The following KCNMA1 variants were observed in gnomAD, a reference collection of about 807,000 sequenced individuals.
The protein encoded by KCNMA1 is potassium calcium-activated channel subfamily M alpha 1.
Under a neutral mutation model 140.0 loss-of-function variants are expected in KCNMA1, and 29 were observed. The observed-to-expected ratio is 0.21, with a 90% CI of 0.15 to 0.28. KCNMA1 has a LOEUF of 0.28. KCNMA1 is among the 10% of genes least tolerant of loss of function. The pLI is 1.00. For missense variants in KCNMA1, 880 were observed against 1,602.2 expected, an observed-to-expected ratio of 0.55 and a Z score of 7.70; for synonymous variants, 612 against 611.9, an observed-to-expected ratio of 1.00 and a Z score of 0.00.
intron 1 of KCNMA1, among the ~76,000 whole-genome samples, chr10:77,576,034 A>G (rs1318480015): frequency 6.6e-6 from 1 of 152,146 alleles, no homozygotes; most frequent in East Asian, 1.9e-4. Context: ...GATTGGGGAG[A>G]ATGGCTCCTG....
At chr10:77,559,377 T>C (rs2065601847) in intron 1 of KCNMA1, among the ~76,000 whole-genome samples, 1 of 152,214 alleles carries the variant, frequency 6.6e-6, no homozygotes, top group Non-Finnish European at 1.5e-5. Flanking sequence ...CAGTCGACAC[T>C]TCTCTAGGAC....
chr10:77,115,339 T>C (rs1460335010), intron 6 of KCNMA1, among the ~76,000 whole-genome samples: 1 of 152,226 alleles, frequency 6.6e-6, no homozygotes, highest in African/African-American at 2.4e-5. Context: ...TGCCAATATT[T>C]ATTGAGCCCT....
At chr10:76,943,909 G>A (rs572205536) in intron 23 of KCNMA1, among the ~76,000 whole-genome samples, 14 of 152,158 alleles carry the variant, frequency 9.2e-5, no homozygotes, top group African/African-American at 3.4e-4. Flanking sequence ...AGCTCTCATG[G>A]GCTGTGCTCC....
chr10:77,195,053 A>G (rs1164597511), intron 3 of KCNMA1, among the ~76,000 whole-genome samples: 7 of 151,042 alleles, frequency 4.6e-5, no homozygotes, highest in East Asian at 3.9e-4. Flanking sequence ...TGTTGTTGTT[A>G]TTGTTGTTGT....
intron 1 of KCNMA1, among the ~76,000 whole-genome samples, chr10:77,554,773 C>T (rs1203528775): frequency 3.9e-5 from 6 of 152,146 alleles, no homozygotes; most frequent in Non-Finnish European, 7.3e-5. Flanking sequence ...ACGGTGCCAT[C>T]TCCAAAGACT....
chr10:77,016,122 C>T (rs947337261), intron 17 of KCNMA1, among the ~76,000 whole-genome samples: 5 of 152,162 alleles, frequency 3.3e-5, no homozygotes, highest in Non-Finnish European at 4.4e-5. Flanking sequence ...ATTCCCTAGC[C>T]GCACTTTCCT....
chr10:76,950,975 G>A (rs973121732), intron 21 of KCNMA1, among the ~76,000 whole-genome samples: 1 of 152,198 alleles, frequency 6.6e-6, no homozygotes, highest in East Asian at 1.9e-4. Flanking sequence ...AAGTGCAAGT[G>A]CCTGGGTGCC....
At chr10:77,279,505 T>C (rs929371356) in intron 2 of KCNMA1, among the ~76,000 whole-genome samples, 4 of 152,188 alleles carry the variant, frequency 2.6e-5, no homozygotes, top group African/African-American at 7.2e-5. Context: ...CAACACACTT[T>C]ACAAATAACA....
At chr10:77,315,130 T>C (rs1156705110) in intron 2 of KCNMA1, among the ~76,000 whole-genome samples, 1 of 152,194 alleles carries the variant, frequency 6.6e-6, no homozygotes, top group Non-Finnish European at 1.5e-5. Context: ...TACCTAATAA[T>C]CTGAAAAGGC....
intron 5 of KCNMA1, among the ~76,000 whole-genome samples, chr10:77,161,695 G>A (rs75768778): frequency 0.036 from 5,427 of 152,240 alleles, 317 homozygotes; most frequent in African/African-American, 0.12. Flanking sequence ...TGTAGTCAAC[G>A]CATGGATAAC....
intron 3 of KCNMA1, among the ~76,000 whole-genome samples, chr10:77,199,011 C>G (rs1376165327): frequency 3.3e-5 from 5 of 152,294 alleles, no homozygotes; most frequent in East Asian, 3.9e-4. Context: ...GAGACCTTAA[C>G]ATACCCACTG....
chr10:77,055,199 G>A (rs1031608816), intron 14 of KCNMA1, among the ~76,000 whole-genome samples: 1 of 152,166 alleles, frequency 6.6e-6, no homozygotes, highest in Non-Finnish European at 1.5e-5. Context: ...AGAATGCATG[G>A]AGCAGCTATT....
chr10:77,382,994 G>GTATATATATATATATATA (rs544257955), intron 2 of KCNMA1, among the ~76,000 whole-genome samples: 4 of 46,420 alleles, frequency 8.6e-5, no homozygotes, highest in African/African-American at 2.9e-4. Flanking sequence ...GTGTGTGTGT[G>GTATATATATATATATATA]TATATATATA....
At chr10:76,945,189 C>T (rs1213791230) in intron 22 of KCNMA1, among the ~76,000 whole-genome samples, 1 of 152,130 alleles carries the variant, frequency 6.6e-6, no homozygotes, top group Non-Finnish European at 1.5e-5. Context: ...AAAGGGTAGT[C>T]GGTGCTGATG....
chr10:77,434,820 TAGA>T (rs1485315080), intron 1 of KCNMA1, among the ~76,000 whole-genome samples: 2 of 152,160 alleles, frequency 1.3e-5, no homozygotes, highest in African/African-American at 4.8e-5. Context: ...TGGACTAATC[TAGA>T]AGAAGGACTG....
intron 2 of KCNMA1, among the ~76,000 whole-genome samples, chr10:77,395,082 C>T (rs914509517): frequency 2.0e-5 from 3 of 152,068 alleles, no homozygotes; most frequent in Non-Finnish European, 2.9e-5. Flanking sequence ...TATGGTGGCT[C>T]ACATCTGTAA....
chr10:77,148,195 C>G (rs1015965934), intron 5 of KCNMA1: 1 of 152,138 alleles, frequency 6.6e-6, no homozygotes, highest in Non-Finnish European at 1.5e-5. Context: ...AAGAGAGAAA[C>G]AACTAGGTTA....
intron 2 of KCNMA1, among the ~76,000 whole-genome samples, chr10:77,286,955 C>T (rs775348207): frequency 6.6e-6 from 1 of 152,176 alleles, no homozygotes; most frequent in Non-Finnish European, 1.5e-5. Context: ...GAAAGCATTG[C>T]CTGTTGAGGA....
chr10:76,942,082 C>T (rs1257561358), intron 23 of KCNMA1, among the ~76,000 whole-genome samples: 1 of 152,228 alleles, frequency 6.6e-6, no homozygotes, highest in East Asian at 1.9e-4. Context: ...AGTGATTCTC[C>T]TGCCTCAGCC....
Sources: gnomAD v4.1 joint callset for allele counts (sites outside exome capture counted in the v4.1 genomes callset) on GRCh38, gnomAD v4.1.1 for gene constraint, MANE v1.5 for transcripts, NCBI Gene and HGNC (gene_info 2026-07-23, HGNC 2026-07-21) for gene names.